CLDN16: variants seen among roughly 807,000 people sequenced by gnomAD.
CLDN16 encodes the protein claudin 16.
Under a neutral mutation model 24.6 loss-of-function variants are expected in CLDN16, and 13 were observed. The ratio of observed to expected loss-of-function variants is 0.53; its 90% CI spans 0.34 to 0.84. The LOEUF (loss-of-function observed/expected upper bound fraction) is 0.84. Ranked by LOEUF, CLDN16 falls within the 40% of genes least tolerant of loss-of-function variation. The pLI is 0.01. For missense variants in CLDN16, 298 were observed against 292.7 expected (o/e 1.02, Z -0.13); for synonymous variants, 116 against 106.7 (o/e 1.09, Z -0.54).
chr3:190,359,914 A>G (rs1717850174), intron 1 of CLDN16, among the ~76,000 whole-genome samples: 1 of 152,006 alleles, frequency 6.6e-6, no homozygotes, highest in South Asian at 2.1e-4. Context: ...GTGAAGAAAC[A>G]TGGATCTCGA....
the CLDN16 span, chr3:190,306,240 A>G: frequency 6.6e-6 from 1 of 152,162 alleles, no homozygotes; most frequent in Admixed American, 6.6e-5. Flanking sequence ...ATTTCTTCCC[A>G]TTACATCTGT....
the CLDN16 span, among the ~76,000 whole-genome samples, chr3:190,311,176 G>A: frequency 6.6e-5 from 10 of 152,180 alleles, no homozygotes; most frequent in Admixed American, 2.0e-4. Flanking sequence ...CCTAAGAGAA[G>A]TCCCTGAAAC....
chr3:190,396,777 A>G (rs1008819444), intron 1 of CLDN16, among the ~76,000 whole-genome samples: 7 of 152,330 alleles, frequency 4.6e-5, no homozygotes, highest in African/African-American at 1.4e-4. Context: ...TGCCAGCTAG[A>G]GAGACTTGGG....
intron 1 of CLDN16, among the ~76,000 whole-genome samples, chr3:190,347,888 A>G (rs921764484): frequency 6.6e-6 from 1 of 152,030 alleles, no homozygotes; most frequent in Admixed American, 6.6e-5. Context: ...GGAACAGAAA[A>G]AAAGGTCTGT....
intron 1 of CLDN16, among the ~76,000 whole-genome samples, chr3:190,346,524 T>C (rs1253082954): frequency 6.6e-6 from 1 of 152,226 alleles, no homozygotes; most frequent in Non-Finnish European, 1.5e-5. Flanking sequence ...AACTGTACAT[T>C]CTTTATGTAA....
chr3:190,391,274 G>T (rs1459640777), intron 1 of CLDN16, among the ~76,000 whole-genome samples: 1 of 148,904 alleles, frequency 6.7e-6, no homozygotes, highest in Non-Finnish European at 1.5e-5. Flanking sequence ...GAGTTTTGTG[G>T]TTCAATTCAG....
rs2108522632 is a variant in CLDN16 at position 190,411,482 on chromosome 3, C to CT, written c.*1449dup. On this transcript the variant is annotated 3_prime_UTR_variant, in exon 5 of 5. Transcript: ENST00000264734. ...TCAGTCACATTAATAACATTAGTAC[C>CT]TTTATGGTACCCTTGCAGTACCTGA... The CT allele has an allele frequency of 6.6e-6, 1 of 151,840 alleles. No individual in the cohort carries two copies. The highest frequency in any genetic ancestry group is 1.9e-4 in the East Asian group (1 of 5,170). 9.4% of individuals were successfully genotyped at this position (151,840 alleles called of 1,614,324 possible).
intron 1 of CLDN16, among the ~76,000 whole-genome samples, chr3:190,394,652 A>G (rs371956518): frequency 1.1e-4 from 17 of 152,286 alleles, no homozygotes; most frequent in Middle Eastern, 3.4e-3. Flanking sequence ...ATGTGAACTC[A>G]TGATGCATTT....
intron 1 of CLDN16, among the ~76,000 whole-genome samples, chr3:190,392,812 A>G (rs1339303311): frequency 6.6e-6 from 1 of 152,186 alleles, no homozygotes; most frequent in East Asian, 1.9e-4. Context: ...AGAAAAGAAT[A>G]CAGGGGTTGG....
chr3:190,407,953 TTC>T (rs1162639319), intron 3 of CLDN16, among the ~76,000 whole-genome samples: 1 of 152,222 alleles, frequency 6.6e-6, no homozygotes, highest in Non-Finnish European at 1.5e-5. Context: ...TACATTCTTT[TTC>T]TGTTTTGTTT....
rs3220823 is a variant in CLDN16, at chr3:190,374,269, T to TTGTGTGTGTGTGTGTGTG, written n.231-232_231-215dup. On this transcript the variant is annotated intron_variant and non_coding_transcript_variant, in intron 2 of 4. Coordinates refer to the CLDN16 transcript ENST00000468220. ...ATTTTCCTTCCAGCCCTGAAAAACA[T>TTGTGTGTGTGTGTGTGTG]TGTGTGTGTGTGTGTGTGTGTGTGT... Among the ~76,000 whole-genome samples, 337 of 139,386 alleles carry TTGTGTGTGTGTGTGTGTG rather than the reference T, an allele frequency of 2.4e-3. 5 individuals carry two copies. Among genetic ancestry groups the TTGTGTGTGTGTGTGTGTG allele is most frequent in the African/African-American group, 8.7e-3 (323 of 37,104 alleles). The allele number at this position is 139,386 out of a possible 152,430, so 91.4% of individuals were successfully genotyped here.
At chr3:190,394,185 T>A (rs1313249506) in intron 1 of CLDN16, among the ~76,000 whole-genome samples, 1 of 152,252 alleles carries the variant, frequency 6.6e-6, no homozygotes, top group Admixed American at 6.5e-5. Context: ...AATAGCATTG[T>A]TAATATGTTA....
chr3:190,357,181 G>A (rs930989572), intron 1 of CLDN16, among the ~76,000 whole-genome samples: 2 of 151,868 alleles, frequency 1.3e-5, no homozygotes, highest in Non-Finnish European at 2.9e-5. Flanking sequence ...ATCCTCCTAT[G>A]AGTATGTCCT....
chr3:190,394,225 A>G (rs1335788030), intron 1 of CLDN16, among the ~76,000 whole-genome samples: 1 of 152,248 alleles, frequency 6.6e-6, no homozygotes, highest in Non-Finnish European at 1.5e-5. Flanking sequence ...TTAATTATTT[A>G]CACTGAAATA....
chr3:190,393,747 C>CTTT (rs58465741), intron 1 of CLDN16, among the ~76,000 whole-genome samples: 8 of 115,224 alleles, frequency 6.9e-5, no homozygotes, highest in African/African-American at 1.3e-4. Flanking sequence ...TGTCATTTGC[C>CTTT]TTTTTTTTTT....
intron 1 of CLDN16, among the ~76,000 whole-genome samples, chr3:190,327,497 T>G (rs1410339272): frequency 6.6e-6 from 1 of 152,186 alleles, no homozygotes; most frequent in Non-Finnish European, 1.5e-5. Flanking sequence ...AAAAAGCCAC[T>G]GAATTAGATA....
At chr3:190,344,854 C>T (rs1717518601) in intron 1 of CLDN16, among the ~76,000 whole-genome samples, 1 of 152,092 alleles carries the variant, frequency 6.6e-6, no homozygotes, top group Non-Finnish European at 1.5e-5. Context: ...TTTAGGGACA[C>T]ATTGAATATT....
At chr3:190,328,106 A>T (rs548372806) in intron 1 of CLDN16, among the ~76,000 whole-genome samples, 8 of 118,184 alleles carry the variant, frequency 6.8e-5, no homozygotes, top group African/African-American at 3.1e-4. Flanking sequence ...AAATAGTAAG[A>T]TTCCATCTCT....
the CLDN16 span, among the ~76,000 whole-genome samples, chr3:190,292,772 TC>T: frequency 6.6e-6 from 1 of 152,176 alleles, no homozygotes; most frequent in African/African-American, 2.4e-5. Flanking sequence ...GCAAAAGTGA[TC>T]TTCATTCCAG....
Sources: allele counts gnomAD v4.1 joint callset (sites outside exome capture counted in the v4.1 genomes callset), GRCh38; gene constraint gnomAD v4.1.1; transcripts MANE v1.5; gene names NCBI Gene and HGNC (gene_info 2026-07-23, HGNC 2026-07-21).